The following ST6GALNAC3 variants were observed in gnomAD, a reference collection of about 807,000 sequenced individuals.
ST6GALNAC3 encodes ST6 N-acetylgalactosaminide alpha-2,6-sialyltransferase 3, also known as alpha-N-acetylgalactosaminide alpha-2,6-sialyltransferase 3.
In ST6GALNAC3, 25 loss-of-function variants were observed where a neutral mutation model predicts 32.7. The ratio of observed to expected loss-of-function variants is 0.76; its 90% CI spans 0.56 to 1.07. The LOEUF (loss-of-function observed/expected upper bound fraction) is 1.07. ST6GALNAC3 is among the 50% of genes least tolerant of loss of function. The probability of loss-of-function intolerance (pLI) is 0.00; values close to 1 mark genes in which losing one functional copy is unlikely to be tolerated. For synonymous variants in ST6GALNAC3, 129 were observed against 133.1 expected (o/e 0.97, Z 0.21); for missense variants, 355 against 382.4 (o/e 0.93, Z 0.60).
chr1:76,399,585 A>G (rs1439924471), intron 2 of ST6GALNAC3, among the ~76,000 whole-genome samples: 2 of 152,134 alleles, frequency 1.3e-5, no homozygotes, highest in East Asian at 3.9e-4. Flanking sequence ...AAATGTTAGG[A>G]TCAGTTTGTA....
intron 1 of ST6GALNAC3, among the ~76,000 whole-genome samples, chr1:76,105,683 T>G (rs1471940560): frequency 2.0e-5 from 3 of 152,208 alleles, no homozygotes; most frequent in African/African-American, 7.2e-5. Flanking sequence ...AATGTGGTAT[T>G]AAGACATGAC....
At chr1:76,576,788 A>C in intron 3 of ST6GALNAC3, 1 of 1,247,030 alleles carries the variant, frequency 8.0e-7, no homozygotes, top group Non-Finnish European at 1.1e-6. Context: ...TAAAGTAGTG[A>C]TTTGCATGTC....
chr1:76,569,477 A>G (rs1423648763), intron 3 of ST6GALNAC3, among the ~76,000 whole-genome samples: 2 of 152,194 alleles, frequency 1.3e-5, no homozygotes, highest in African/African-American at 4.8e-5. Flanking sequence ...GCAAATCAAA[A>G]CAAGATGCCT....
intron 3 of ST6GALNAC3, among the ~76,000 whole-genome samples, chr1:76,437,399 T>A (rs1656213600): frequency 6.6e-6 from 1 of 152,080 alleles, no homozygotes; most frequent in African/African-American, 2.4e-5. Flanking sequence ...GCAGCCCTGT[T>A]CAGTAAGATT....
chr1:76,552,437 G>A (rs1008732520), intron 3 of ST6GALNAC3, among the ~76,000 whole-genome samples: 1 of 152,140 alleles, frequency 6.6e-6, no homozygotes, highest in East Asian at 1.9e-4. Context: ...TGACTTACTT[G>A]AAGTGTGATT....
intron 1 of ST6GALNAC3, among the ~76,000 whole-genome samples, chr1:76,255,818 T>C (rs1657887683): frequency 6.6e-6 from 1 of 151,750 alleles, no homozygotes; most frequent in Admixed American, 6.6e-5. Flanking sequence ...ACAATAATTG[T>C]AAACTAGAAG....
chr1:76,182,221 C>T (rs1191508077), intron 1 of ST6GALNAC3, among the ~76,000 whole-genome samples: 1 of 152,158 alleles, frequency 6.6e-6, no homozygotes, highest in Non-Finnish European at 1.5e-5. Flanking sequence ...AAAGATAAAT[C>T]ATGCCATTTG....
chr1:76,610,946 G>A (rs1198213454), intron 3 of ST6GALNAC3, among the ~76,000 whole-genome samples: 1 of 152,070 alleles, frequency 6.6e-6, no homozygotes, highest in East Asian at 1.9e-4. Flanking sequence ...TTGTGACTAA[G>A]TACCTGGTGT....
At chr1:76,372,969 T>A (rs1456422874) in intron 2 of ST6GALNAC3, among the ~76,000 whole-genome samples, 1 of 152,138 alleles carries the variant, frequency 6.6e-6, no homozygotes, top group African/African-American at 2.4e-5. Flanking sequence ...ATTTATTTAT[T>A]TACTTTTTGT....
chr1:76,611,685 T>C (rs530227021), intron 3 of ST6GALNAC3, among the ~76,000 whole-genome samples: 33 of 152,316 alleles, frequency 2.2e-4, no homozygotes, highest in African/African-American at 7.7e-4. Context: ...TCTCTAGTAA[T>C]GTACAGCAAA....
intron 1 of ST6GALNAC3, among the ~76,000 whole-genome samples, chr1:76,271,494 A>G (rs979228466): frequency 2.0e-5 from 3 of 152,218 alleles, no homozygotes; most frequent in Non-Finnish European, 4.4e-5. Flanking sequence ...CAGTGGTCCT[A>G]TGCTTTATTG....
intron 1 of ST6GALNAC3, among the ~76,000 whole-genome samples, chr1:76,205,201 A>G (rs1346350656): frequency 1.3e-5 from 2 of 152,234 alleles, no homozygotes; most frequent in Non-Finnish European, 2.9e-5. Flanking sequence ...TTATGCAGTT[A>G]TTTTAAGAGT....
chr1:76,434,654 CTA>C (rs1656004274), intron 3 of ST6GALNAC3, among the ~76,000 whole-genome samples: 1 of 151,870 alleles, frequency 6.6e-6, no homozygotes, highest in Non-Finnish European at 1.5e-5. Context: ...TTAAATTAAA[CTA>C]TTTTTTATTG....
At chr1:76,105,389 G>A (rs1647452878) in intron 1 of ST6GALNAC3, among the ~76,000 whole-genome samples, 1 of 152,212 alleles carries the variant, frequency 6.6e-6, no homozygotes, top group African/African-American at 2.4e-5. Flanking sequence ...TGATTTCAGT[G>A]AGCTATTGTT....
chr1:76,155,696 C>A lies in ST6GALNAC3; in HGVS notation c.18+80812C>A, dbSNP rs1204685958. 2.6e-5 allele frequency among the ~76,000 whole-genome samples: 4 copies of A among 151,606 alleles called. No homozygotes were observed. In the East Asian group the frequency reaches 7.8e-4, roughly 30 times the overall value. ...GTTTCACCGTGTTAGCTAGGATGGT[C>A]TCGATCTCCTGACCTCGTGATCCAC... On this transcript the variant is annotated intron_variant, in intron 1 of 4. Coordinates refer to ENST00000328299, the MANE Select transcript of ST6GALNAC3 (RefSeq NM_152996.4).
At chr1:76,533,366 T>C (rs1663380166) in intron 3 of ST6GALNAC3, among the ~76,000 whole-genome samples, 1 of 152,158 alleles carries the variant, frequency 6.6e-6, no homozygotes, top group Admixed American at 6.5e-5. Flanking sequence ...CAGACCCTTA[T>C]CCATACACAT....
At chr1:76,083,884 A>G (rs1289600062) in intron 1 of ST6GALNAC3, among the ~76,000 whole-genome samples, 3 of 152,208 alleles carry the variant, frequency 2.0e-5, no homozygotes, top group African/African-American at 7.2e-5. Flanking sequence ...TTTTGATTTT[A>G]CTAATTTAAA....
intron 1 of ST6GALNAC3, among the ~76,000 whole-genome samples, chr1:76,123,609 G>T (rs1319933771): frequency 6.6e-6 from 1 of 152,024 alleles, no homozygotes; most frequent in African/African-American, 2.4e-5. Context: ...CATAGCTGAG[G>T]TAATGTTTGA....
At chr1:76,124,289 C>T (rs940564696) in intron 1 of ST6GALNAC3, among the ~76,000 whole-genome samples, 1 of 151,838 alleles carries the variant, frequency 6.6e-6, no homozygotes, top group African/African-American at 2.4e-5. Flanking sequence ...GAAGCTGAGT[C>T]CCGTTAGCAT....
Sources: gnomAD v4.1 joint callset for allele counts (sites outside exome capture counted in the v4.1 genomes callset) on GRCh38, gnomAD v4.1.1 for gene constraint, MANE v1.5 for transcripts, NCBI Gene and HGNC (gene_info 2026-07-23, HGNC 2026-07-21) for gene names.